The following CRYBB1 variants were observed in gnomAD, a reference collection of about 807,000 sequenced individuals.
CRYBB1 encodes the protein crystallin beta B1.
Under a neutral mutation model 29.5 loss-of-function variants are expected in CRYBB1, and 16 were observed. The ratio of observed to expected loss-of-function variants is 0.54; its 90% CI spans 0.37 to 0.82. The LOEUF (loss-of-function observed/expected upper bound fraction) is 0.82, where lower values mean the gene tolerates loss of function less well. CRYBB1 is among the 40% of genes least tolerant of loss of function. CRYBB1 has a pLI of 0.00. For synonymous variants in CRYBB1, 127 were observed against 136.7 expected, an observed-to-expected ratio of 0.93 and a Z score of 0.49; for missense variants, 300 against 350.5, an observed-to-expected ratio of 0.86 and a Z score of 1.15.
intron 3 of CRYBB1, among the ~76,000 whole-genome samples, chr22:26,611,473 T>G (rs1383987806): frequency 1.3e-5 from 2 of 149,760 alleles, no homozygotes; most frequent in Non-Finnish European, 3.0e-5. Context: ...TTTTTTGTTT[T>G]TTTTTTTTTT....
chr22:26,599,349 A>G lies in CRYBB1; in HGVS notation c.*141T>C. 1 of 733,230 alleles carries G rather than the reference A, an allele frequency of 1.4e-6. No individual in the cohort carries two copies. Among genetic ancestry groups the G allele is most frequent in the Non-Finnish European group, 2.3e-6 (1 of 428,876 alleles). The allele number at this position is 733,230 out of a possible 1,614,324, so 45.4% of individuals were successfully genotyped here. A position where few individuals can be genotyped will look rare whatever the true frequency, so the allele number is the denominator to read the frequency against. ...GCGAGGAAGTCACATCCCAGTAACT[A>G]TGGGGGACCTCAAGGCACACATCTG... On this transcript the variant is annotated 3_prime_UTR_variant, in exon 6 of 6. Transcript: ENST00000647684.
intron 5 of CRYBB1, 124 bp downstream of exon 5, chr22:26,601,755 G>A: frequency 6.6e-7 from 1 of 1,506,420 alleles, no homozygotes; most frequent in East Asian, 2.4e-5. Context: ...ACCAGCACTG[G>A]GAGACTGTGG....
chr22:26,603,541 A>G (rs1250352960), intron 4 of CRYBB1, among the ~76,000 whole-genome samples: 1 of 151,652 alleles, frequency 6.6e-6, no homozygotes, highest in East Asian at 1.9e-4. Context: ...CAACAACAAC[A>G]AAAAAGAATG....
Position 26,599,293 on chromosome 22 carries a change from G to C in CRYBB1, c.*197C>G, listed in dbSNP as rs1003616729. ...AGGCAGAAAGAACTTTTCAGTGTTT[G>C]CTGCTTTTATTATCGTTGTAATTAT... On this transcript the variant is annotated 3_prime_UTR_variant, in exon 6 of 6. Transcript: ENST00000647684. 8.4e-6 allele frequency: 5 copies of C among 597,608 alleles called. No individual in the cohort carries two copies. Among genetic ancestry groups the C allele is most frequent in the African/African-American group, 7.4e-5 (4 of 53,874 alleles). 37.0% of individuals were successfully genotyped at this position (597,608 alleles called of 1,614,324 possible).
chr22:26,616,469 G>A (rs1208691338), intron 1 of CRYBB1, 131 bp from the exon 2 acceptor site: 3 of 684,956 alleles, frequency 4.4e-6, no homozygotes, highest in Non-Finnish European at 7.7e-6. Context: ...GGTTAAGCCT[G>A]GAAGTTTTTC....
intron 1 of CRYBB1, 43 bp from the exon 2 acceptor site, chr22:26,616,381 G>T: frequency 1.5e-6 from 2 of 1,368,630 alleles, no homozygotes; most frequent in Non-Finnish European, 2.1e-6. Flanking sequence ...CCCCCAAACT[G>T]CCTCCTGCCC....
intron 3 of CRYBB1, 111 bp downstream of exon 3, chr22:26,611,961 A>G: frequency 7.6e-6 from 6 of 794,204 alleles, no homozygotes; most frequent in African/African-American, 1.7e-5. Flanking sequence ...TGTATGTGCC[A>G]GGAGTACGAA....
At chr22:26,604,984 C>A (rs1432338515) in intron 4 of CRYBB1, among the ~76,000 whole-genome samples, 1 of 152,128 alleles carries the variant, frequency 6.6e-6, no homozygotes, top group Non-Finnish European at 1.5e-5. Context: ...CCTCCACTCC[C>A]TCTGCTGCAG....
intron 4 of CRYBB1, among the ~76,000 whole-genome samples, chr22:26,603,416 G>C (rs568112572): frequency 7.4e-4 from 112 of 152,050 alleles, no homozygotes; most frequent in African/African-American, 2.6e-3. Context: ...TGTAATCCCA[G>C]CTACTCGGGA....
At position 26,602,138 on chromosome 22, in the gene CRYBB1, G is replaced by A. The variant is rs577962224; in HGVS notation, c.433-117C>T. On this transcript the variant is annotated intron_variant, in intron 4 of 5. Transcript: ENST00000647684. ...GATGAGCCTGTTCAGGCTGCTGGGG[G>A]ACTCTCCAGGGACCACTGCTGTCTA... 1.1e-4 allele frequency: 145 copies of A among 1,306,224 alleles called. 1 individual carries two copies. The South Asian group carries it at 1.7e-3, about 15-fold the overall frequency. 80.9% of individuals were successfully genotyped at this position (1,306,224 alleles called of 1,614,324 possible).
intron 4 of CRYBB1, among the ~76,000 whole-genome samples, chr22:26,607,434 G>A (rs1458729802): frequency 6.6e-6 from 1 of 151,990 alleles, no homozygotes; most frequent in African/African-American, 2.4e-5. Flanking sequence ...GCTCACGGCT[G>A]TAATCCTAGC....
chr22:26,611,575 C>T (rs996831856), intron 3 of CRYBB1, among the ~76,000 whole-genome samples: 6 of 151,544 alleles, frequency 4.0e-5, no homozygotes, highest in Admixed American at 2.6e-4. Flanking sequence ...CCCGGGTTCA[C>T]GCCATTCTCC....
rs1381344666 is a variant in CRYBB1 at position 26,599,456 on chromosome 22, G to T, written c.*34C>A. 3 of 1,579,592 alleles carry T rather than the reference G, an allele frequency of 1.9e-6. No homozygotes were observed. Among genetic ancestry groups the T allele is most frequent in the East Asian group, 2.3e-5 (1 of 44,316 alleles). ...GGGGGAAATAATTGAACATGAAGAA[G>T]GGTTGGGGCAAGGTAGCAGAGTGAG... On this transcript the variant is annotated 3_prime_UTR_variant, in exon 6 of 6. Transcript: ENST00000647684.
intron 3 of CRYBB1, among the ~76,000 whole-genome samples, chr22:26,611,221 C>T (rs1404733479): frequency 1.3e-5 from 2 of 152,214 alleles, no homozygotes; most frequent in Non-Finnish European, 2.9e-5. Context: ...GTAAGAGACT[C>T]ACCCCCTCTG....
chr22:26,607,825 T>C, intron 4 of CRYBB1, 64 bp downstream of exon 4: 1 of 1,611,590 alleles, frequency 6.2e-7, no homozygotes, highest in Admixed American at 1.7e-5. Context: ...TTGTCAGATC[T>C]CAGACTTACA....
At chr22:26,604,548 G>A (rs966594501) in intron 4 of CRYBB1, among the ~76,000 whole-genome samples, 8 of 152,320 alleles carry the variant, frequency 5.3e-5, no homozygotes, top group Middle Eastern at 3.4e-3. Context: ...CTTCATGGAA[G>A]AAGTGACACT....
At chr22:26,605,598 A>T (rs1216939285) in intron 4 of CRYBB1, among the ~76,000 whole-genome samples, 6 of 142,274 alleles carry the variant, frequency 4.2e-5, no homozygotes, top group African/African-American at 1.5e-4. Context: ...TGCTTGCCCC[A>T]GGGAGGTGAA....
intron 3 of CRYBB1, among the ~76,000 whole-genome samples, chr22:26,608,546 C>A (rs978605464): frequency 6.6e-6 from 1 of 152,152 alleles, no homozygotes; most frequent in African/African-American, 2.4e-5. Context: ...CATAATAATA[C>A]CACTTTTGTG....
intron 3 of CRYBB1, among the ~76,000 whole-genome samples, chr22:26,611,458 T>G (rs372853956): frequency 3.7e-5 from 5 of 135,046 alleles, no homozygotes; most frequent in Non-Finnish European, 8.2e-5. Flanking sequence ...GAGTTTGTTT[T>G]TTTTTTTTTT....
Sources: gnomAD v4.1 joint callset for allele counts (sites outside exome capture counted in the v4.1 genomes callset) on GRCh38, gnomAD v4.1.1 for gene constraint, MANE v1.5 for transcripts, NCBI Gene and HGNC (gene_info 2026-07-23, HGNC 2026-07-21) for gene names.